Variants in TRIM55 observed in about 807,000 individuals in gnomAD.
The protein encoded by TRIM55 is tripartite motif containing 55.
A neutral mutation model predicts 60.9 loss-of-function variants in TRIM55; 50 were observed. The observed-to-expected ratio is 0.82, with a 90% CI of 0.65 to 1.04. The LOEUF is 1.04. Ranked by LOEUF, TRIM55 falls within the 50% of genes least tolerant of loss-of-function variation. The pLI is 0.00. For synonymous variants in TRIM55, 237 were observed against 238.1 expected, an observed-to-expected ratio of 1.00 and a Z score of 0.04; for missense variants, 681 against 666.9, an observed-to-expected ratio of 1.02 and a Z score of -0.23.
intron 4 of TRIM55, 138 bp from the exon 5 acceptor site, chr8:66,149,507 A>T (rs958621150): frequency 1.5e-6 from 1 of 662,392 alleles, no homozygotes; most frequent in Non-Finnish European, 2.6e-6. Context: ...GGGTATCCAT[A>T]CCTAAATAGA....
intron 3 of TRIM55, among the ~76,000 whole-genome samples, chr8:66,136,572 A>G (rs1809492931): frequency 1.3e-5 from 2 of 152,212 alleles, no homozygotes; most frequent in African/African-American, 4.8e-5. Flanking sequence ...TTCCTAAGTC[A>G]AAAGAGCAAA....
upstream of TRIM55, among the ~76,000 whole-genome samples, chr8:66,126,384 G>C (rs1021838725): frequency 6.6e-6 from 1 of 152,324 alleles, no homozygotes; most frequent in Admixed American, 6.5e-5. Context: ...GTATGTAGGA[G>C]GTGGGGCAGT....
chr8:66,122,674 A>T (rs1235736116), upstream of TRIM55, among the ~76,000 whole-genome samples: 1 of 152,218 alleles, frequency 6.6e-6, no homozygotes, highest in East Asian at 1.9e-4. Context: ...GTCATTCCAA[A>T]GTAAACCTAA....
At chr8:66,130,465 G>T (rs981141139) in intron 2 of TRIM55, among the ~76,000 whole-genome samples, 1 of 150,926 alleles carries the variant, frequency 6.6e-6, no homozygotes, top group African/African-American at 2.4e-5. Flanking sequence ...AGCCTTACTA[G>T]ACCAGAATCT....
intron 9 of TRIM55, among the ~76,000 whole-genome samples, chr8:66,171,054 A>G (rs1014164226): frequency 1.3e-5 from 2 of 152,214 alleles, no homozygotes; most frequent in Non-Finnish European, 2.9e-5. Context: ...TGTAATGTTT[A>G]CATAACAACA....
In TRIM55 at chr8:66,154,351, TTG is replaced by T; in HGVS notation, c.1524+21_1524+22del. ...ACTTCTCAGGTTAGTGATGATGCACTTGTGTCTATGCTTTCCCGCGCCCCCTA... is the reference window on the plus strand; with the variant it reads ...ACTTCTCAGGTTAGTGATGATGCACTTGTCTATGCTTTCCCGCGCCCCCTA... On this transcript the variant is annotated intron_variant, in intron 9 of 9. Coordinates refer to ENST00000315962, the MANE Select transcript of TRIM55 (RefSeq NM_184085.2). The T allele has an allele frequency of 6.2e-7, 1 of 1,611,598 alleles. No homozygotes were observed. Among genetic ancestry groups the T allele is most frequent in the Non-Finnish European group, 8.5e-7 (1 of 1,178,096 alleles).
At chr8:66,141,738 T>C (rs1256305154) in intron 4 of TRIM55, among the ~76,000 whole-genome samples, 2 of 152,176 alleles carry the variant, frequency 1.3e-5, no homozygotes, top group African/African-American at 4.8e-5. Context: ...AAGTAAATAA[T>C]AAATATTTGA....
rs777740263 is a variant in TRIM55, at chr8:66,150,389, G to A, written c.908G>A (p.Gly303Asp). The change falls in exon 7 of 10, where the codon GGC becomes GAC. Residue 303 changes from glycine to aspartate, a missense_variant. Physicochemically the swap from Gly to Asp is moderately conservative, Grantham distance 94 (BLOSUM62 -1). Transcript: ENST00000315962. ...TTTCAGATGGAGAAAATAGAACATG[G>A]CTATGAGAACATGAACCACTTCACA... The part of the protein sequence containing the change: ...KAFQMEKIEH[G>D]YENMNHFTVN... 1.2e-5 allele frequency: 19 copies of A among 1,614,008 alleles called. No homozygotes were observed. The South Asian group carries it at 1.8e-4, about 15-fold the overall frequency.
chr8:66,169,746 C>T (rs182040765), intron 9 of TRIM55, among the ~76,000 whole-genome samples: 1 of 152,126 alleles, frequency 6.6e-6, no homozygotes. Context: ...AGCGCTGTGA[C>T]CCTGACCGAG....
At chr8:66,160,675 CCAA>C (rs1810997226) in intron 9 of TRIM55, among the ~76,000 whole-genome samples, 2 of 151,856 alleles carry the variant, frequency 1.3e-5, no homozygotes, top group Admixed American at 6.6e-5. Flanking sequence ...CTCATCCCCA[CCAA>C]CATTTTTTTT....
At chr8:66,170,433 G>C (rs1371459078) in intron 9 of TRIM55, among the ~76,000 whole-genome samples, 2 of 152,160 alleles carry the variant, frequency 1.3e-5, no homozygotes, top group Non-Finnish European at 2.9e-5. Flanking sequence ...TTTTAAGGCT[G>C]AACAGTGTTC....
Position 66,128,340 on chromosome 8 carries a change from A to G in TRIM55, c.205A>G (p.Thr69Ala), listed in dbSNP as rs753676524. The G allele has an allele frequency of 6.2e-7, 1 of 1,612,848 alleles. No homozygotes were observed. Residue 69 changes from threonine (T) to alanine (A), a missense_variant, in exon 2 of 10, where the codon ACC (threonine) becomes GCC (alanine). Coordinates refer to ENST00000315962, the MANE Select transcript of TRIM55 (RefSeq NM_184085.2). ...GTATTTGCCCACAAGAGGAGGTACC[A>G]CCATGGCATCAGGGGGCCGATTCCG... is the stretch of plus-strand genomic sequence containing the variant. ...NPYLPTRGGT[T>A]MASGGRFRCP...
rs1811826174 is a variant in TRIM55, at chr8:66,174,616, T to C, written c.*23T>C. ...TGATATTCATTCCAACTGCTGCCCC[T>C]CTGTCTGCCTGGCTGAGATGCATGT... On this transcript the variant is annotated 3_prime_UTR_variant, in exon 10 of 10. Transcript: ENST00000315962. The C allele has an allele frequency of 6.4e-7, 1 of 1,573,108 alleles. No homozygotes were observed. The highest frequency in any genetic ancestry group is 1.1e-5 in the South Asian group (1 of 87,126).
intron 8 of TRIM55, among the ~76,000 whole-genome samples, chr8:66,152,832 T>C (rs763263657): frequency 1.4e-4 from 21 of 152,104 alleles, no homozygotes; most frequent in Non-Finnish European, 2.6e-4. Flanking sequence ...TTGTTATTGT[T>C]AGTTAACAAA....
chr8:66,165,111 C>G (rs1811255683), intron 9 of TRIM55, among the ~76,000 whole-genome samples: 1 of 152,126 alleles, frequency 6.6e-6, no homozygotes, highest in African/African-American at 2.4e-5. Flanking sequence ...GTCCCCAGAC[C>G]TGAGCCTTTC....
rs955105814 is a variant in TRIM55 at position 66,155,788 on chromosome 8, G to A, written c.1524+1454G>A. ...AATGTTCCTCTTCTATAGGCCCAGA[G>A]ATTAATTTCTCCCCAAATCTTGAGG... On this transcript the variant is annotated intron_variant, in intron 9 of 9. Coordinates refer to ENST00000315962, the MANE Select transcript of TRIM55 (RefSeq NM_184085.2). 8 of 1,010,394 alleles carry A rather than the reference G, an allele frequency of 7.9e-6. No individual in the cohort carries two copies. In the African/African-American group the frequency reaches 1.1e-4, roughly 14 times the overall value. 62.6% of individuals were successfully genotyped at this position (1,010,394 alleles called of 1,614,324 possible).
At chr8:66,114,679 A>G in the TRIM55 span, 1 of 456,022 alleles carries the variant, frequency 2.2e-6, no homozygotes, top group Non-Finnish European at 4.4e-6. Context: ...CAACCGAGGA[A>G]GCAGGAACTG....
the TRIM55 span, among the ~76,000 whole-genome samples, chr8:66,119,088 T>G: frequency 6.6e-6 from 1 of 152,248 alleles, no homozygotes; most frequent in East Asian, 1.9e-4. Flanking sequence ...GGTCCACTGG[T>G]GCCCTAGTGC....
At chr8:66,155,206 T>A (rs1481102663) in intron 9 of TRIM55, among the ~76,000 whole-genome samples, 1 of 152,214 alleles carries the variant, frequency 6.6e-6, no homozygotes, top group African/African-American at 2.4e-5. Context: ...ACAAACAACA[T>A]GTTCTCAAAA....
Sources: gnomAD v4.1 joint callset for allele counts (sites outside exome capture counted in the v4.1 genomes callset) on GRCh38, gnomAD v4.1.1 for gene constraint, MANE v1.5 for transcripts, NCBI Gene and HGNC (gene_info 2026-07-23, HGNC 2026-07-21) for gene names.